Variants in DPT observed in about 807,000 individuals in gnomAD.
DPT encodes the protein dermatopontin.
DPT carries 21 observed loss-of-function variants against 31.2 expected under a neutral mutation model. That is an observed-to-expected ratio of 0.67 (90% CI 0.48 to 0.97). The LOEUF (loss-of-function observed/expected upper bound fraction) is 0.97, where lower values mean the gene tolerates loss of function less well. Ranked by LOEUF, DPT falls within the 50% of genes least tolerant of loss-of-function variation. The pLI is 0.00. For missense variants in DPT, 262 were observed against 258.8 expected, an observed-to-expected ratio of 1.01 and a Z score of -0.08; for synonymous variants, 91 against 86.9, an observed-to-expected ratio of 1.05 and a Z score of -0.26.
chr1:168,709,648 G>A lies in DPT; in HGVS notation c.431+4573C>T, dbSNP rs569946095. Among the ~76,000 whole-genome samples the A allele has an allele frequency of 3.4e-4, 52 of 152,314 alleles. 1 individual carries two copies. The highest frequency in any genetic ancestry group is 1.2e-3 in the African/African-American group (49 of 41,568). The stretch of plus-strand genomic sequence containing the variant: ...TCCCTAAGTGCTCACAAACGCAGGC[G>A]CTAGATATTCACTTAGCTAGTTCAT... On this transcript the variant is annotated intron_variant, in intron 2 of 3. Transcript: ENST00000367817.
chr1:168,721,230 T>C (rs1339564988), intron 1 of DPT, among the ~76,000 whole-genome samples: 1 of 152,192 alleles, frequency 6.6e-6, no homozygotes, highest in Non-Finnish European at 1.5e-5. Context: ...AAGTTCTGGA[T>C]TTCTCTGCTA....
chr1:168,701,550 A>T (rs1429214471), intron 2 of DPT, among the ~76,000 whole-genome samples: 1 of 152,244 alleles, frequency 6.6e-6, no homozygotes, highest in Non-Finnish European at 1.5e-5. Context: ...ATATAAAAGC[A>T]TGCATCACAT....
At chr1:168,700,890 C>CGT (rs774984429) in intron 3 of DPT, 127 bp downstream of exon 3, 577 of 535,300 alleles carry the variant, frequency 1.1e-3, no homozygotes, top group South Asian at 1.4e-3. Flanking sequence ...TTGTATTCTA[C>CGT]GTGTGTGTGT....
intron 1 of DPT, among the ~76,000 whole-genome samples, chr1:168,725,541 G>C (rs886343409): frequency 6.6e-6 from 1 of 152,092 alleles, no homozygotes; most frequent in Non-Finnish European, 1.5e-5. Flanking sequence ...ACCCAAGTTA[G>C]AGCAGATTCC....
intron 2 of DPT, among the ~76,000 whole-genome samples, chr1:168,709,949 C>T (rs1649814402): frequency 6.6e-6 from 1 of 152,212 alleles, no homozygotes; most frequent in African/African-American, 2.4e-5. Context: ...ACATCAATGT[C>T]AGGTTTCACC....
chr1:168,700,166 G>C (rs898524204), intron 3 of DPT, among the ~76,000 whole-genome samples: 3 of 152,110 alleles, frequency 2.0e-5, no homozygotes, highest in Non-Finnish European at 2.9e-5. Context: ...GAGCCTTTAG[G>C]GGGGTGATTA....
At chr1:168,717,659 A>C (rs979993533) in intron 1 of DPT, among the ~76,000 whole-genome samples, 1 of 151,988 alleles carries the variant, frequency 6.6e-6, no homozygotes, top group African/African-American at 2.4e-5. Context: ...GGTGTTGTCT[A>C]GGTTTTCTTC....
intron 2 of DPT, among the ~76,000 whole-genome samples, chr1:168,709,182 G>T (rs1649793135): frequency 1.3e-5 from 2 of 152,152 alleles, no homozygotes; most frequent in African/African-American, 4.8e-5. Flanking sequence ...AAAAGAAAAT[G>T]ATTCACAACC....
chr1:168,705,105 G>A (rs1649689925), intron 2 of DPT, among the ~76,000 whole-genome samples: 1 of 152,166 alleles, frequency 6.6e-6, no homozygotes, highest in African/African-American at 2.4e-5. Flanking sequence ...GTTGGGTTGA[G>A]AACTTATTAG....
chr1:168,696,513 CCCTTT>C lies in DPT; in HGVS notation c.*31_*35del. Reference sequence around the variant, plus strand: ...ATGTGGACACCCTCCTGTCCCCGGCCCCTTTCCTTTCACCCAGATTTGGTATGTGG... The same window carrying C: ...ATGTGGACACCCTCCTGTCCCCGGCCCCTTTCACCCAGATTTGGTATGTGG... On this transcript the variant is annotated 3_prime_UTR_variant, in exon 4 of 4. Coordinates refer to ENST00000367817, the MANE Select transcript of DPT (RefSeq NM_001937.5). 1 of 1,597,396 alleles carries C rather than the reference CCCTTT, an allele frequency of 6.3e-7. No individual in the cohort carries two copies. The highest frequency in any genetic ancestry group is 8.6e-7 in the Non-Finnish European group (1 of 1,166,246).
At position 168,722,141 on chromosome 1, in the gene DPT, A is replaced by G. The variant is rs534870295; in HGVS notation, c.305+6729T>C. On this transcript the variant is annotated intron_variant, in intron 1 of 3. Transcript: ENST00000367817. The stretch of plus-strand genomic sequence containing the variant: ...TATGTCCTGAGAGCAATTCCAGGTC[A>G]CACAGGAATTGCATGAGCTACATTA... Among the ~76,000 whole-genome samples the G allele has an allele frequency of 2.6e-5, 4 of 152,334 alleles. No homozygotes were observed. The East Asian group carries it at 7.7e-4, about 29-fold the overall frequency.
chr1:168,702,610 G>GGCTT (rs1649622775), intron 2 of DPT, among the ~76,000 whole-genome samples: 1 of 105,716 alleles, frequency 9.5e-6, no homozygotes, highest in African/African-American at 4.0e-5. Flanking sequence ...TCAGGTAAAT[G>GGCTT]TCTTTTTTTT....
At chr1:168,696,921 T>C (rs1211964374) in intron 3 of DPT, among the ~76,000 whole-genome samples, 2 of 152,140 alleles carry the variant, frequency 1.3e-5, no homozygotes, top group Admixed American at 1.3e-4. Flanking sequence ...GGTTAACAGC[T>C]TGGAATAAAA....
intron 1 of DPT, among the ~76,000 whole-genome samples, chr1:168,726,194 T>C (rs146443722): frequency 2.0e-3 from 302 of 152,288 alleles, no homozygotes; most frequent in African/African-American, 6.9e-3. Flanking sequence ...TACTAGACAC[T>C]GCACACCCAA....
chr1:168,722,340 A>G (rs1357245421), intron 1 of DPT, among the ~76,000 whole-genome samples: 3 of 152,256 alleles, frequency 2.0e-5, no homozygotes, highest in East Asian at 1.9e-4. Flanking sequence ...GCAAAATGAT[A>G]TATTTCAGAG....
At chr1:168,720,551 A>AACTCTC (rs1650078888) in intron 1 of DPT, among the ~76,000 whole-genome samples, 1 of 152,176 alleles carries the variant, frequency 6.6e-6, no homozygotes, top group African/African-American at 2.4e-5. Context: ...CTTGGTCAAG[A>AACTCTC]ACTCTCAAAA....
intron 3 of DPT, among the ~76,000 whole-genome samples, chr1:168,700,299 C>A (rs1316604074): frequency 6.6e-6 from 1 of 152,136 alleles, no homozygotes; most frequent in Non-Finnish European, 1.5e-5. Context: ...TCTGAAGCAG[C>A]GAGCAACCCC....
intron 2 of DPT, 106 bp from the exon 3 acceptor site, chr1:168,701,230 A>C: frequency 1.2e-6 from 1 of 859,962 alleles, no homozygotes; most frequent in Admixed American, 1.9e-5. Flanking sequence ...GCATCCTGGC[A>C]AATCCAGACT....
At chr1:168,698,844 T>C (rs1026059856) in intron 3 of DPT, among the ~76,000 whole-genome samples, 11 of 152,078 alleles carry the variant, frequency 7.2e-5, no homozygotes, top group African/African-American at 1.7e-4. Context: ...CTGACAATAG[T>C]TCTCCAAGCT....
Sources: gnomAD v4.1 joint callset for allele counts (sites outside exome capture counted in the v4.1 genomes callset) on GRCh38, gnomAD v4.1.1 for gene constraint, MANE v1.5 for transcripts, NCBI Gene and HGNC (gene_info 2026-07-23, HGNC 2026-07-21) for gene names.